The following PARD3 variants were observed in gnomAD, a reference collection of about 807,000 sequenced individuals.
The protein encoded by PARD3 is par-3 family cell polarity regulator.
PARD3 carries 75 observed loss-of-function variants against 155.4 expected under a neutral mutation model. That is an observed-to-expected ratio of 0.48 (90% CI 0.40 to 0.58). The LOEUF is 0.58. Ranked by LOEUF, PARD3 falls within the 20% of genes least tolerant of loss-of-function variation. The probability of loss-of-function intolerance (pLI) is 0.00; values close to 1 mark genes in which losing one functional copy is unlikely to be tolerated. For synonymous variants in PARD3, 576 were observed against 610.5 expected, an observed-to-expected ratio of 0.94 and a Z score of 0.83; for missense variants, 1,642 against 1,721.7, an observed-to-expected ratio of 0.95 and a Z score of 0.82.
chr10:34,247,458 C>T (rs570836531), intron 22 of PARD3, among the ~76,000 whole-genome samples: 9 of 152,196 alleles, frequency 5.9e-5, no homozygotes, highest in South Asian at 2.1e-4. Flanking sequence ...GCCAAGATCA[C>T]GCCACTGCAC....
At chr10:34,698,480 C>T (rs1043035292) in intron 1 of PARD3, among the ~76,000 whole-genome samples, 2 of 152,230 alleles carry the variant, frequency 1.3e-5, no homozygotes, top group Non-Finnish European at 2.9e-5. Flanking sequence ...CAGGCATCCT[C>T]TTCTCCAAGA....
At chr10:34,241,972 CTCATTT>C (rs1291731436) in intron 22 of PARD3, among the ~76,000 whole-genome samples, 1 of 152,104 alleles carries the variant, frequency 6.6e-6, no homozygotes, top group Non-Finnish European at 1.5e-5. Context: ...AAAATCTCTT[CTCATTT>C]TAAGTCCAAG....
chr10:34,176,707 C>T (rs1950048058), intron 22 of PARD3, among the ~76,000 whole-genome samples: 1 of 152,114 alleles, frequency 6.6e-6, no homozygotes, highest in African/African-American at 2.4e-5. Context: ...TTTGGAAAGG[C>T]TGGTGCAATC....
chr10:34,472,989 T>C (rs2133102917), intron 3 of PARD3, among the ~76,000 whole-genome samples: 1 of 152,284 alleles, frequency 6.6e-6, no homozygotes, highest in East Asian at 1.9e-4. Context: ...TATATACCTG[T>C]AGCTCTCGAA....
chr10:34,713,721 G>A (rs867206302), intron 1 of PARD3, among the ~76,000 whole-genome samples: 9 of 151,986 alleles, frequency 5.9e-5, no homozygotes, highest in African/African-American at 1.5e-4. Context: ...AGCTATTATC[G>A]CATCAATGCA....
intron 1 of PARD3, among the ~76,000 whole-genome samples, chr10:34,798,339 A>AAGAAGG (rs777001599): frequency 2.0e-5 from 3 of 151,696 alleles, no homozygotes; most frequent in Admixed American, 6.6e-5. Context: ...CTGTCCCGTG[A>AAGAAGG]AGAAGGAGAA....
chr10:34,755,918 C>T (rs990781568), intron 1 of PARD3, among the ~76,000 whole-genome samples: 2 of 152,114 alleles, frequency 1.3e-5, no homozygotes, highest in Non-Finnish European at 2.9e-5. Flanking sequence ...GAGAATTGTA[C>T]CTACTGGCCC....
intron 22 of PARD3, among the ~76,000 whole-genome samples, chr10:34,245,818 T>C (rs1417537134): frequency 6.6e-6 from 1 of 152,158 alleles, no homozygotes. Context: ...CTGTCCCCGT[T>C]GAGTTCGTGA....
chr10:34,137,374 A>G (rs1029503768), intron 22 of PARD3, among the ~76,000 whole-genome samples: 13 of 152,150 alleles, frequency 8.5e-5, no homozygotes, highest in African/African-American at 2.4e-4. Context: ...AGGGAAGCTG[A>G]TATTTCCCTA....
intron 1 of PARD3, among the ~76,000 whole-genome samples, chr10:34,770,612 C>T (rs934008549): frequency 1.8e-4 from 28 of 152,192 alleles, no homozygotes; most frequent in Admixed American, 1.4e-3. Context: ...GAGCAGAAAA[C>T]GCTAGCCTTG....
intron 5 of PARD3, among the ~76,000 whole-genome samples, chr10:34,444,936 G>C (rs994466423): frequency 1.3e-5 from 2 of 152,034 alleles, no homozygotes; most frequent in Admixed American, 6.6e-5. Context: ...AGAAAACAGA[G>C]CAAAAACAAA....
intron 2 of PARD3, among the ~76,000 whole-genome samples, chr10:34,676,715 T>C (rs2093714878): frequency 6.6e-6 from 1 of 152,186 alleles, no homozygotes; most frequent in African/African-American, 2.4e-5. Context: ...ACCCTACTTC[T>C]ATAAACAATA....
chr10:34,764,851 C>T (rs2134043777), intron 1 of PARD3, among the ~76,000 whole-genome samples: 1 of 152,282 alleles, frequency 6.6e-6, no homozygotes, highest in African/African-American at 2.4e-5. Context: ...TTGTGTTTCT[C>T]ATTAGCCCAG....
chr10:34,501,235 C>G (rs917565413), intron 3 of PARD3, among the ~76,000 whole-genome samples: 1 of 152,152 alleles, frequency 6.6e-6, no homozygotes, highest in South Asian at 2.1e-4. Flanking sequence ...ATCCTGGGGA[C>G]GATTCCTTCA....
At chr10:34,506,107 CA>C (rs2133485118) in intron 3 of PARD3, among the ~76,000 whole-genome samples, 1 of 151,726 alleles carries the variant, frequency 6.6e-6, no homozygotes, top group South Asian at 2.1e-4. Context: ...GCCTGGGCAA[CA>C]GAGGGAGACT....
At chr10:34,301,908 C>T (rs1400958488) in intron 20 of PARD3, among the ~76,000 whole-genome samples, 3 of 149,166 alleles carry the variant, frequency 2.0e-5, no homozygotes, top group East Asian at 2.0e-4. Flanking sequence ...TCTGTCCCTA[C>T]GGCTACCTCC....
At chr10:34,451,015 A>G (rs565320987) in intron 4 of PARD3, among the ~76,000 whole-genome samples, 32 of 152,194 alleles carry the variant, frequency 2.1e-4, no homozygotes, top group African/African-American at 7.2e-4. Flanking sequence ...ACATCAGGGG[A>G]AAAAACTGGC....
At chr10:34,668,976 G>T (rs1380319208) in intron 2 of PARD3, among the ~76,000 whole-genome samples, 1 of 152,104 alleles carries the variant, frequency 6.6e-6, no homozygotes, top group Non-Finnish European at 1.5e-5. Context: ...AGGACATGGG[G>T]ATACAGCAGT....
chr10:34,510,571 G>A (rs1314957486), intron 3 of PARD3, among the ~76,000 whole-genome samples: 1 of 152,118 alleles, frequency 6.6e-6, no homozygotes, highest in African/African-American at 2.4e-5. Context: ...AAATATTCAA[G>A]CCTAAAAAAG....
Sources: allele counts gnomAD v4.1 joint callset (sites outside exome capture counted in the v4.1 genomes callset), GRCh38; gene constraint gnomAD v4.1.1; transcripts MANE v1.5; gene names NCBI Gene and HGNC (gene_info 2026-07-23, HGNC 2026-07-21).